The following CLASP1 variants were observed in gnomAD, a reference collection of about 807,000 sequenced individuals.
The protein encoded by CLASP1 is cytoplasmic linker associated protein 1.
CLASP1 carries 38 observed loss-of-function variants against 192.3 expected under a neutral mutation model. That is an observed-to-expected ratio of 0.20 (90% CI 0.15 to 0.26). The LOEUF is 0.26. Ranked by LOEUF, CLASP1 falls within the 10% of genes least tolerant of loss-of-function variation. The probability of loss-of-function intolerance (pLI) is 1.00; values close to 1 mark genes in which losing one functional copy is unlikely to be tolerated. For missense variants in CLASP1, 1,433 were observed against 1,932.5 expected, an observed-to-expected ratio of 0.74 and a Z score of 4.85; for synonymous variants, 691 against 712.8, an observed-to-expected ratio of 0.97 and a Z score of 0.49.
chr2:121,639,296 A>G (rs2071563788), intron 1 of CLASP1, among the ~76,000 whole-genome samples: 1 of 152,084 alleles, frequency 6.6e-6, no homozygotes, highest in Non-Finnish European at 1.5e-5. Flanking sequence ...CAAACAAACA[A>G]AAACAAAAAA....
chr2:121,372,622 G>A (rs761096448), intron 34 of CLASP1, among the ~76,000 whole-genome samples: 11 of 152,088 alleles, frequency 7.2e-5, no homozygotes, highest in Non-Finnish European at 1.6e-4. Flanking sequence ...GCATTTGCTC[G>A]ACAGCCCCAG....
At chr2:121,462,532 C>T in exon 10 of CLASP1, 1 of 1,537,910 alleles carries the variant, frequency 6.5e-7, no homozygotes, top group Non-Finnish European at 9.0e-7. Flanking sequence ...CCTCACTGAC[C>T]TGTACTACAG....
chr2:121,418,525 A>G, intron 23 of CLASP1, 97 bp downstream of exon 23: 1 of 810,562 alleles, frequency 1.2e-6, no homozygotes, highest in Non-Finnish European at 2.1e-6. Flanking sequence ...TCACAAGGAC[A>G]GTAGAGGAGG....
chr2:121,486,868 G>A (rs907750372), intron 8 of CLASP1, among the ~76,000 whole-genome samples: 5 of 152,164 alleles, frequency 3.3e-5, no homozygotes, highest in Admixed American at 2.0e-4. Context: ...AGAGAAAGAA[G>A]ATGACAATTT....
At chr2:121,543,996 A>C (rs2095282546) in intron 2 of CLASP1, among the ~76,000 whole-genome samples, 1 of 152,234 alleles carries the variant, frequency 6.6e-6, no homozygotes. Flanking sequence ...ACTAAGCCCA[A>C]AAAGATGAAC....
chr2:121,531,011 A>T (rs759212424), intron 2 of CLASP1: 2 of 700,050 alleles, frequency 2.9e-6, no homozygotes, highest in African/African-American at 1.7e-5. Context: ...TGGAAAAATG[A>T]AAACCTGTTT....
chr2:121,547,369 G>T (rs951695208), intron 2 of CLASP1, among the ~76,000 whole-genome samples: 2 of 152,130 alleles, frequency 1.3e-5, no homozygotes, highest in African/African-American at 4.8e-5. Context: ...GGGGAGGCTA[G>T]TCCGTCTCCC....
intron 2 of CLASP1, among the ~76,000 whole-genome samples, chr2:121,574,415 A>G (rs2060280304): frequency 6.6e-6 from 1 of 151,902 alleles, no homozygotes; most frequent in African/African-American, 2.4e-5. Context: ...TGGGTGGATC[A>G]CCTGAGGTCA....
At chr2:121,481,005 G>A (rs1369075566) in intron 8 of CLASP1, among the ~76,000 whole-genome samples, 2 of 152,140 alleles carry the variant, frequency 1.3e-5, no homozygotes, top group African/African-American at 4.8e-5. Flanking sequence ...CACACACCCA[G>A]ACTTCTCAGT....
rs1437059200 is a variant in CLASP1, at chr2:121,487,461, T to G, written c.712+15706A>C. ...AGCGTATTCAGCATTCCTTAGTTTT[T>G]CCCTAATGTCCTTTATCTGCTCCAG... On this transcript the variant is annotated intron_variant, in intron 8 of 39. Coordinates refer to ENST00000263710, the Ensembl canonical transcript of CLASP1. Among the ~76,000 whole-genome samples the G allele has an allele frequency of 2.0e-5, 3 of 152,224 alleles. No homozygotes were observed. The East Asian group carries it at 5.8e-4, about 29-fold the overall frequency.
intron 24 of CLASP1, 149 bp from the exon 26 acceptor site, chr2:121,407,864 G>A (rs568192353): frequency 2.2e-5 from 22 of 987,076 alleles, no homozygotes; most frequent in East Asian, 1.2e-4. Context: ...ATAGATTAGG[G>A]AAATAAAAAC....
At chr2:121,628,409 C>T (rs2068786305) in intron 1 of CLASP1, among the ~76,000 whole-genome samples, 1 of 152,104 alleles carries the variant, frequency 6.6e-6, no homozygotes, top group Non-Finnish European at 1.5e-5. Flanking sequence ...GGCACGATGG[C>T]TTACACCTGT....
intron 2 of CLASP1, among the ~76,000 whole-genome samples, chr2:121,594,991 C>G (rs1028116658): frequency 2.0e-5 from 3 of 152,120 alleles, no homozygotes; most frequent in Non-Finnish European, 4.4e-5. Flanking sequence ...ATGATTCTAA[C>G]AGGACCAAAG....
intron 8 of CLASP1, among the ~76,000 whole-genome samples, chr2:121,472,540 A>T (rs1188776987): frequency 6.6e-6 from 1 of 152,196 alleles, no homozygotes; most frequent in Non-Finnish European, 1.5e-5. Context: ...AAGTACAGGG[A>T]AGGGGAACTC....
intron 22 of CLASP1, among the ~76,000 whole-genome samples, chr2:121,422,124 T>G (rs1327194814): frequency 1.3e-5 from 2 of 152,206 alleles, no homozygotes; most frequent in African/African-American, 4.8e-5. Context: ...TTTACATTTC[T>G]TGATAGACAC....
At chr2:121,500,381 AAAGAAAGAAAGAAAGAAAAG>A (rs1388182795) in intron 8 of CLASP1, among the ~76,000 whole-genome samples, 4 of 142,150 alleles carry the variant, frequency 2.8e-5, no homozygotes, top group African/African-American at 8.4e-5. Flanking sequence ...AGAAAGAAAG[AAAGAAAGAAAGAAAGAAAAG>A]AAAGAAAGAA....
chr2:121,410,451 C>T (rs1355093832), intron 24 of CLASP1, among the ~76,000 whole-genome samples: 1 of 151,838 alleles, frequency 6.6e-6, no homozygotes, highest in Non-Finnish European at 1.5e-5. Context: ...AACTCTATTA[C>T]CTATTATTAT....
intron 14 of CLASP1, among the ~76,000 whole-genome samples, chr2:121,452,407 GC>G (rs1172788595): frequency 1.3e-5 from 2 of 152,094 alleles, no homozygotes; most frequent in Non-Finnish European, 2.9e-5. Flanking sequence ...TTCTATTTAA[GC>G]CTTTTCACTT....
At chr2:121,425,147 A>G (rs760577565) in exon 22 of CLASP1, 14 of 1,610,870 alleles carry the variant, frequency 8.7e-6, no homozygotes, top group African/African-American at 4.0e-5. Flanking sequence ...ACCTAATCCT[A>G]TTCGGTTTGG....
Sources: allele counts gnomAD v4.1 joint callset (sites outside exome capture counted in the v4.1 genomes callset), GRCh38; gene constraint gnomAD v4.1.1; transcripts MANE v1.5; gene names NCBI Gene and HGNC (gene_info 2026-07-23, HGNC 2026-07-21).